Variants in GNAI3 observed in about 807,000 individuals in gnomAD.
The protein encoded by GNAI3 is G protein subunit alpha i3.
GNAI3 carries 12 observed loss-of-function variants against 41.8 expected under a neutral mutation model. The observed-to-expected ratio is 0.29, with a 90% CI of 0.18 to 0.47. The LOEUF is 0.47. Ranked by LOEUF, GNAI3 falls within the 20% of genes least tolerant of loss-of-function variation. The pLI is 1.00. For missense variants in GNAI3, 360 were observed against 429.6 expected (o/e 0.84, Z 1.43); for synonymous variants, 132 against 146.5 (o/e 0.90, Z 0.71).
At chr1:109,575,897 T>C (rs945738638) in intron 3 of GNAI3, among the ~76,000 whole-genome samples, 4 of 152,232 alleles carry the variant, frequency 2.6e-5, no homozygotes, top group African/African-American at 9.6e-5. Flanking sequence ...TGTCACCAGA[T>C]GCAGTTGACA....
chr1:109,587,761 G>C (rs376291101), intron 7 of GNAI3, among the ~76,000 whole-genome samples: 3 of 152,136 alleles, frequency 2.0e-5, no homozygotes, highest in African/African-American at 7.2e-5. Flanking sequence ...TGATATAGAA[G>C]AAACTGTGCT....
At chr1:109,566,701 A>G (rs983861149) in intron 1 of GNAI3, among the ~76,000 whole-genome samples, 2 of 152,118 alleles carry the variant, frequency 1.3e-5, no homozygotes, top group Non-Finnish European at 2.9e-5. Flanking sequence ...AGCTGGGATT[A>G]CAGGTGCCCG....
intron 1 of GNAI3, among the ~76,000 whole-genome samples, chr1:109,558,702 TTTTGCTCCTTATTAATAA>T (rs71577003): frequency 0.19 from 28,949 of 151,960 alleles, 2,950 homozygotes; most frequent in East Asian, 0.36. Flanking sequence ...AAAACACTGT[TTTTGCTCCTTATTAATAA>T]TTTGCTTCTA....
chr1:109,591,808 T>A (rs758898591), intron 7 of GNAI3, among the ~76,000 whole-genome samples: 4 of 152,224 alleles, frequency 2.6e-5, no homozygotes, highest in Non-Finnish European at 4.4e-5. Flanking sequence ...AAAGAGAAAT[T>A]TAACGTTATG....
intron 1 of GNAI3, among the ~76,000 whole-genome samples, chr1:109,562,584 T>G: frequency 6.6e-6 from 1 of 152,214 alleles, no homozygotes. Flanking sequence ...CCATACTGTT[T>G]TGGGTTTTGG....
chr1:109,552,970 T>C (rs1648030049), intron 1 of GNAI3, among the ~76,000 whole-genome samples: 2 of 152,206 alleles, frequency 1.3e-5, no homozygotes, highest in South Asian at 4.1e-4. Context: ...TTTTTACATA[T>C]GTAAAGCAGA....
intron 1 of GNAI3, among the ~76,000 whole-genome samples, chr1:109,569,526 G>A (rs1648537625): frequency 1.3e-5 from 2 of 152,130 alleles, no homozygotes; most frequent in Admixed American, 1.3e-4. Context: ...TGGGGAAAAC[G>A]CAACAATGAG....
chr1:109,579,249 G>A lies in GNAI3; in HGVS notation c.349G>A (p.Gly117Arg). ...LFVLAGSAEE[G>R]VMTPELAGVI... ...TGTTTTAGCTGGCAGTGCTGAAGAA[G>A]GAGTCATGACTCCAGAACTAGCAGG... Residue 117 changes from glycine to arginine, a missense_variant, in exon 4 of 9, where the codon GGA becomes AGA. Coordinates refer to ENST00000369851, the MANE Select transcript of GNAI3 (RefSeq NM_006496.4). 2 of 1,613,476 alleles carry A rather than the reference G, an allele frequency of 1.2e-6. No homozygotes were observed.
intron 1 of GNAI3, among the ~76,000 whole-genome samples, chr1:109,566,514 T>C (rs1648458242): frequency 1.3e-5 from 2 of 152,242 alleles, no homozygotes; most frequent in East Asian, 3.9e-4. Context: ...AAGCAACTGG[T>C]TTTTTAATTA....
chr1:109,548,792 G>A lies in GNAI3; in HGVS notation c.72G>A (p.Arg24=). The change falls in exon 1 of 9, where the codon CGG becomes CGA. Residue 24 remains arginine (R), a synonymous_variant. Transcript: ENST00000369851. ...ERSKMIDRNL[R]EDGEKAAKEV... is the part of the protein sequence containing the mutation. ...GCAAGATGATCGACCGCAACTTACGGGAGGACGGGGAAAAAGCGGCCAAAG... is the reference window on the plus strand; with the variant it reads ...GCAAGATGATCGACCGCAACTTACGAGAGGACGGGGAAAAAGCGGCCAAAG... The A allele has an allele frequency of 6.2e-7, 1 of 1,613,004 alleles. No homozygotes were observed. The highest frequency in any genetic ancestry group is 1.1e-5 in the South Asian group (1 of 90,768).
chr1:109,586,872 A>G lies in GNAI3; in HGVS notation c.864A>G (p.Pro288=), dbSNP rs1442178888. 1 of 1,598,008 alleles carries G rather than the reference A, an allele frequency of 6.3e-7. No individual in the cohort carries two copies. The highest frequency in any genetic ancestry group is 1.1e-5 in the South Asian group (1 of 90,708). The change falls in exon 7 of 9, where the codon CCA becomes CCG. Residue 288 remains proline, a synonymous_variant. Coordinates refer to ENST00000369851, the MANE Select transcript of GNAI3 (RefSeq NM_006496.4). ...GGAGTCCGTTAACTATCTGTTATCC[A>G]GAATACACAGGTAAGGGGTTATGAA... The part of the protein sequence containing the change: ...IKRSPLTICY[P]EYTGSNTYEE...
chr1:109,558,569 A>T (rs866344025), intron 1 of GNAI3, among the ~76,000 whole-genome samples: 10 of 152,224 alleles, frequency 6.6e-5, no homozygotes, highest in South Asian at 2.1e-4. Flanking sequence ...TGAATTTTTT[A>T]AAATGCATAT....
At position 109,584,499 on chromosome 1, in the gene GNAI3, CCTGT is replaced by C. The variant is rs1340699172; in HGVS notation, c.591-1714_591-1711del. On this transcript the variant is annotated intron_variant, in intron 5 of 8. Transcript: ENST00000369851. ...CTTTAGTTAGGCAAATCCTAACTGT[CCTGT>C]CTTTTTATGCCATGATCAATAGCCA... Among the ~76,000 whole-genome samples, 10 of 152,264 alleles carry C rather than the reference CCTGT, an allele frequency of 6.6e-5. No homozygotes were observed. The East Asian group carries it at 1.5e-3, about 23-fold the overall frequency.
At chr1:109,557,837 A>G (rs886807866) in intron 1 of GNAI3, among the ~76,000 whole-genome samples, 2 of 152,190 alleles carry the variant, frequency 1.3e-5, no homozygotes, top group Non-Finnish European at 1.5e-5. Context: ...ATGGTTGGGT[A>G]TAGCAGAGTT....
At chr1:109,567,082 A>G (rs1021533268) in intron 1 of GNAI3, among the ~76,000 whole-genome samples, 6 of 152,190 alleles carry the variant, frequency 3.9e-5, no homozygotes, top group South Asian at 2.1e-4. Context: ...TTGCTGATCA[A>G]GCTTTCAGCC....
chr1:109,581,181 G>A (rs3768485), intron 4 of GNAI3, among the ~76,000 whole-genome samples: 6,896 of 151,686 alleles, frequency 0.045, 288 homozygotes, highest in East Asian at 0.24. Context: ...TTTCTAGCCT[G>A]GAATCAGCAA....
chr1:109,572,132 A>AT (rs1413799028), intron 1 of GNAI3, among the ~76,000 whole-genome samples: 1 of 151,890 alleles, frequency 6.6e-6, no homozygotes, highest in Non-Finnish European at 1.5e-5. Context: ...ATATGGTGAA[A>AT]AACCCTGTCT....
intron 3 of GNAI3, among the ~76,000 whole-genome samples, chr1:109,577,765 T>A (rs1648788538): frequency 6.6e-6 from 1 of 152,092 alleles, no homozygotes; most frequent in Non-Finnish European, 1.5e-5. Flanking sequence ...CAAAAATAAT[T>A]TGAGTGCACC....
Position 109,593,846 on chromosome 1 carries a change from A to G in GNAI3, c.*1524A>G, listed in dbSNP as rs1649228943. The G allele has an allele frequency of 6.6e-6, 1 of 152,660 alleles. No individual in the cohort carries two copies. The highest frequency in any genetic ancestry group is 6.5e-5 in the Admixed American group (1 of 15,274). The allele number at this position is 152,660 out of a possible 1,614,324, so 9.5% of individuals were successfully genotyped here. A position where few individuals can be genotyped will look rare whatever the true frequency, so the allele number is the denominator to read the frequency against. On this transcript the variant is annotated 3_prime_UTR_variant, in exon 9 of 9. Coordinates refer to ENST00000369851, the MANE Select transcript of GNAI3 (RefSeq NM_006496.4). ...TATTGGGGGAAGACAAATGAAGAGA[A>G]TGCATTTTGAGCATTTCAAATCAGT...
Sources: gnomAD v4.1 joint callset for allele counts (sites outside exome capture counted in the v4.1 genomes callset) on GRCh38, gnomAD v4.1.1 for gene constraint, MANE v1.5 for transcripts, NCBI Gene and HGNC (gene_info 2026-07-23, HGNC 2026-07-21) for gene names.